Variants in KMT2A observed in about 807,000 individuals in gnomAD.
KMT2A encodes lysine methyltransferase 2A.
KMT2A carries 16 observed loss-of-function variants against 345.3 expected under a neutral mutation model. That is an observed-to-expected ratio of 0.05 (90% CI 0.03 to 0.07). KMT2A has a LOEUF of 0.07. KMT2A is among the 10% of genes least tolerant of loss of function. KMT2A has a pLI of 1.00. For missense variants in KMT2A, 3,272 were observed against 4,841.6 expected (o/e 0.68, Z 9.62); for synonymous variants, 1,599 against 1,778.6 (o/e 0.90, Z 2.54).
chr11:118,475,797 G>T (rs1555037391), intron 3 of KMT2A, among the ~76,000 whole-genome samples: 2 of 152,214 alleles, frequency 1.3e-5, no homozygotes, highest in African/African-American at 4.8e-5. Flanking sequence ...TGCCAGTTGA[G>T]AATTGTAGCA....
In KMT2A at chr11:118,501,752, T is replaced by G; in HGVS notation, c.6400T>G (p.Ser2134Ala). Residue 2134 changes from serine (S) to alanine (A), a missense_variant, in exon 26 of 36, where the codon TCT becomes GCT. By Grantham distance (99) the Ser-to-Ala change is moderately conservative (BLOSUM62 1). Coordinates refer to ENST00000534358, the MANE Select transcript of KMT2A (RefSeq NM_001197104.2). ...SPDRPPHSQT[S>A]GSCYYHVISK... The stretch of plus-strand genomic sequence containing the variant: ...AGACCGACCTCCTCATTCACAAACC[T>G]CTGGCTCCTGTTATTATCATGTCAT... 6.2e-7 allele frequency: 1 copy of G among 1,614,056 alleles called. No individual in the cohort carries two copies. The highest frequency in any genetic ancestry group is 8.5e-7 in the Non-Finnish European group (1 of 1,179,958).
rs1951072230 is a variant in KMT2A, at chr11:118,525,913, A to G, written c.*3741A>G. ...CAGATGGTTTTGTGCCGAATCATGAATACTAGTCAAGTCACACACTCTGGA... is the reference window on the plus strand; with the variant it reads ...CAGATGGTTTTGTGCCGAATCATGAGTACTAGTCAAGTCACACACTCTGGA... On this transcript the variant is annotated 3_prime_UTR_variant, in exon 36 of 36. Coordinates refer to ENST00000534358, the MANE Select transcript of KMT2A (RefSeq NM_001197104.2). 1 of 225,688 alleles carries G rather than the reference A, an allele frequency of 4.4e-6. No homozygotes were observed. Among genetic ancestry groups the G allele is most frequent in the East Asian group, 6.4e-5 (1 of 15,610 alleles). The allele number at this position is 225,688 out of a possible 1,614,324, so 14.0% of individuals were successfully genotyped here. A position where few individuals can be genotyped will look rare whatever the true frequency, so the allele number is the denominator to read the frequency against.
rs1950660097 is a variant in KMT2A at position 118,510,251 on chromosome 11, A to C, written c.11071+133A>C. 1.6e-6 allele frequency: 1 copy of C among 643,210 alleles called. No homozygotes were observed. Among genetic ancestry groups the C allele is most frequent in the East Asian group, 2.8e-5 (1 of 35,540 alleles). 39.8% of individuals were successfully genotyped at this position (643,210 alleles called of 1,614,324 possible). On this transcript the variant is annotated intron_variant, in intron 30 of 35. Coordinates refer to ENST00000534358, the MANE Select transcript of KMT2A (RefSeq NM_001197104.2). The surrounding 1 kb of genome is among the most constrained non-coding windows in gnomAD (Gnocchi z 4.1). Reference sequence around the variant, plus strand: ...AGGGGGATACCTGGAGGCATCATACATTTTCCTTGTCCTTGAGAAGTTTGT... The same window carrying C: ...AGGGGGATACCTGGAGGCATCATACCTTTTCCTTGTCCTTGAGAAGTTTGT...
At position 118,484,969 on chromosome 11, in the gene KMT2A, T is replaced by A. The variant is rs141961986; in HGVS notation, c.4326T>A (p.His1442Gln). Reference protein sequence around the residue: ...VVCFLCASSGHVEFVYCQVCC... With the variant: ...VVCFLCASSGQVEFVYCQVCC... ...GCTTTCTCTGTGCCAGTAGTGGGCA[T>A]GTAGAGGTAAGGCATCCTGCTTCTT... is the stretch of plus-strand genomic sequence containing the variant. The change falls in exon 10 of 36, where the codon CAT becomes CAA. Residue 1442 changes from histidine (H) to glutamine (Q), a missense_variant. This residue lies in a region of KMT2A where 120 missense variants were observed against 280.4 expected (regional missense o/e 0.43). Coordinates refer to ENST00000534358, the MANE Select transcript of KMT2A (RefSeq NM_001197104.2). The surrounding 1 kb of genome is among the most constrained non-coding windows in gnomAD (Gnocchi z 4.1). 5.0e-6 allele frequency: 8 copies of A among 1,595,016 alleles called. No individual in the cohort carries two copies. The highest frequency in any genetic ancestry group is 6.9e-6 in the Non-Finnish European group (8 of 1,163,002).
At chr11:118,467,126 C>T (rs1279114891) in intron 1 of KMT2A, among the ~76,000 whole-genome samples, 2 of 152,056 alleles carry the variant, frequency 1.3e-5, no homozygotes, top group Non-Finnish European at 2.9e-5. Context: ...CCTGTAATCC[C>T]AGCACTTTGG....
chr11:118,451,494 T>G (rs1452440609), intron 1 of KMT2A, among the ~76,000 whole-genome samples: 1 of 152,038 alleles, frequency 6.6e-6, no homozygotes, highest in Non-Finnish European at 1.5e-5. Flanking sequence ...CTCAAGTGAT[T>G]CTCGTGCCTC....
chr11:118,473,755 A>G lies in KMT2A; in HGVS notation c.2596A>G (p.Lys866Glu), dbSNP rs1369459603. 1 of 1,613,890 alleles carries G rather than the reference A, an allele frequency of 6.2e-7. No homozygotes were observed. The highest frequency in any genetic ancestry group is 8.5e-7 in the Non-Finnish European group (1 of 1,179,938). ...GCTGTCCAAAGATCGAGATGCTGAC[A>G]AGAGCGTGGAGAAGGACAAGAGTAG... Reference protein sequence around the residue: ...EELSKDRDADKSVEKDKSRER... With the variant: ...EELSKDRDADESVEKDKSRER... The change falls in exon 3 of 36, where the codon AAG becomes GAG. Residue 866 changes from lysine (K) to glutamate (E), a missense_variant. Physicochemically the swap from Lys to Glu is moderately conservative, Grantham distance 56 (BLOSUM62 1). Coordinates refer to ENST00000534358, the MANE Select transcript of KMT2A (RefSeq NM_001197104.2). The surrounding 1 kb of genome is among the most constrained non-coding windows in gnomAD (Gnocchi z 5.2).
Position 118,472,829 on chromosome 11 carries a change from C to T in KMT2A, c.1670C>T (p.Thr557Ile), listed in dbSNP as rs1312514848. 1.9e-6 allele frequency: 3 copies of T among 1,613,818 alleles called. No homozygotes were observed. The highest frequency in any genetic ancestry group is 2.5e-6 in the Non-Finnish European group (3 of 1,180,006). Residue 557 changes from threonine to isoleucine, a missense_variant, in exon 3 of 36, where the codon ACC becomes ATC. This residue lies in a region of KMT2A where 180 missense variants were observed against 190.7 expected (regional missense o/e 0.94). Coordinates refer to ENST00000534358, the MANE Select transcript of KMT2A (RefSeq NM_001197104.2). The stretch of plus-strand genomic sequence containing the variant: ...CTACAAAGTGCCCCCCAGCAGCAGA[C>T]CTCCTCGTCTCCACCTCCACCTCTG... ...STLQSAPQQQ[T>I]SSSPPPPLLT...
At position 118,502,819 on chromosome 11, in the gene KMT2A, G is replaced by A; in HGVS notation, c.6927G>A (p.Glu2309=). The A allele has an allele frequency of 6.2e-7, 1 of 1,614,216 alleles. No individual in the cohort carries two copies. The highest frequency in any genetic ancestry group is 8.5e-7 in the Non-Finnish European group (1 of 1,180,036). ...LVSKSSSLKG[E]KTKVLSSKSS... Reference sequence around the variant, plus strand: ...CCAAGAGCTCCTCTTTAAAGGGAGAGAAGACCAAAGTGCTGAGTTCCAAGA... The same window carrying A: ...CCAAGAGCTCCTCTTTAAAGGGAGAAAAGACCAAAGTGCTGAGTTCCAAGA... Residue 2309 remains glutamate, a synonymous_variant, in exon 27 of 36, where the codon GAG becomes GAA. Transcript: ENST00000534358. The surrounding 1 kb of genome is among the most constrained non-coding windows in gnomAD (Gnocchi z 4.9).
At position 118,472,213 on chromosome 11, in the gene KMT2A, C is replaced by T. The variant is rs2134259845; in HGVS notation, c.1054C>T (p.Pro352Ser). 2 of 1,613,846 alleles carry T rather than the reference C, an allele frequency of 1.2e-6. No individual in the cohort carries two copies. The highest frequency in any genetic ancestry group is 1.7e-6 in the Non-Finnish European group (2 of 1,179,982). ...KEDKTVVRQS[P>S]RRIKPVRIIP... Reference sequence around the variant, plus strand: ...AGATAAGACAGTTGTCAGACAAAGCCCTCGAAGGATTAAGCCAGTTAGGAT... The same window carrying T: ...AGATAAGACAGTTGTCAGACAAAGCTCTCGAAGGATTAAGCCAGTTAGGAT... The change falls in exon 3 of 36, where the codon CCT becomes TCT. Residue 352 changes from proline (P) to serine (S), a missense_variant. Transcript: ENST00000534358.
chr11:118,480,114 T>C (rs1950105205), intron 5 of KMT2A, 60 bp from the exon 6 acceptor site: 1 of 1,326,078 alleles, frequency 7.5e-7, no homozygotes. Context: ...AATGAACACT[T>C]GTTTCAGTGC....
At chr11:118,482,398 T>G in intron 7 of KMT2A, 24 bp from the exon 8 acceptor site, 3 of 1,586,394 alleles carry the variant, frequency 1.9e-6, no homozygotes, top group Non-Finnish European at 2.6e-6. Flanking sequence ...AGCATCTGAC[T>G]GCAATTTATT....
chr11:118,444,890 C>T (rs184119935), intron 1 of KMT2A, among the ~76,000 whole-genome samples: 1 of 152,260 alleles, frequency 6.6e-6, no homozygotes, highest in African/African-American at 2.4e-5. Flanking sequence ...AGTTTTTGAA[C>T]CTCTCCATAC....
rs370899148 is a variant in KMT2A, at chr11:118,502,482, G to A, written c.6590G>A (p.Arg2197His). 2.0e-5 allele frequency: 33 copies of A among 1,613,802 alleles called. No homozygotes were observed. The Admixed American group carries it at 3.2e-4, about 15-fold the overall frequency. The change falls in exon 27 of 36, where the codon CGT (arginine) becomes CAT (histidine). Residue 2197 changes from arginine (R) to histidine (H), a missense_variant. Coordinates refer to ENST00000534358, the MANE Select transcript of KMT2A (RefSeq NM_001197104.2). The surrounding 1 kb of genome is among the most constrained non-coding windows in gnomAD (Gnocchi z 4.9). ...SSGLRSIGSR[R>H]HSTSSLSPQR... ...GGACTTCGAAGCATTGGCTCCAGGC[G>A]TCACAGTACCTCTTCCTTATCACCC...
rs538002696 is a variant in KMT2A, at chr11:118,494,775, A to T, written c.5363+8A>T. 7 of 1,609,034 alleles carry T rather than the reference A, an allele frequency of 4.4e-6. No homozygotes were observed. The African/African-American group carries it at 6.7e-5, about 15-fold the overall frequency. On this transcript the variant is annotated splice_region_variant and intron_variant, in intron 18 of 35. Transcript: ENST00000534358. This position sits in a 1 kb window ranked among gnomAD's most constrained non-coding sequence, Gnocchi z 5.8. ...AAATAAAGTATCAAGCAAGTAAGTG[A>T]ATTTAGCATAACTTTTTTTTCTCCT...
At chr11:118,482,322 G>GTT (rs59281381) in intron 7 of KMT2A, 100 bp from the exon 8 acceptor site, 15,151 of 663,120 alleles carry the variant, frequency 0.023, 3 homozygotes, top group South Asian at 0.039. Context: ...AGTTTAAATA[G>GTT]TTTTTTTTTT....
In KMT2A at chr11:118,484,730, T is replaced by A; in HGVS notation, c.4219-132T>A. 1 of 677,318 alleles carries A rather than the reference T, an allele frequency of 1.5e-6. No individual in the cohort carries two copies. The highest frequency in any genetic ancestry group is 1.7e-5 in the South Asian group (1 of 57,264). The allele number at this position is 677,318 out of a possible 1,614,324, so 42.0% of individuals were successfully genotyped here. ...GATTAAAACTTTTTAAAGCAGCAGT[T>A]ATTTTTGGACTCATTGAAATGAAAT... On this transcript the variant is annotated intron_variant, in intron 9 of 35. Coordinates refer to ENST00000534358, the MANE Select transcript of KMT2A (RefSeq NM_001197104.2). The surrounding 1 kb of genome is among the most constrained non-coding windows in gnomAD (Gnocchi z 4.1).
At chr11:118,488,024 CA>C (rs573334832) in intron 10 of KMT2A, among the ~76,000 whole-genome samples, 134 of 152,078 alleles carry the variant, frequency 8.8e-4, no homozygotes, top group African/African-American at 3.1e-3. Context: ...ACTAAAAATA[CA>C]AAAAATTAGC....
chr11:118,509,266 C>A (rs2134428207), intron 29 of KMT2A, 66 bp downstream of exon 29: 2 of 1,228,510 alleles, frequency 1.6e-6, no homozygotes, highest in East Asian at 2.4e-5. Context: ...GAGAATCACC[C>A]ACTTTACCTA....
Sources: allele counts gnomAD v4.1 joint callset (sites outside exome capture counted in the v4.1 genomes callset), GRCh38; gene constraint gnomAD v4.1.1; regional missense constraint gnomAD v4.1.1; non-coding constraint Gnocchi (gnomAD v3.1); transcripts MANE v1.5; gene names NCBI Gene and HGNC (gene_info 2026-07-23, HGNC 2026-07-21).